RFC1: variants seen among roughly 807,000 people sequenced by gnomAD.
RFC1 encodes A1 140 kDa subunit.
Under a neutral mutation model 137.4 loss-of-function variants are expected in RFC1, and 37 were observed. That is an observed-to-expected ratio of 0.27 (90% CI 0.21 to 0.35). The LOEUF (loss-of-function observed/expected upper bound fraction) is 0.35, where lower values mean the gene tolerates loss of function less well. Ranked by LOEUF, RFC1 falls within the 10% of genes least tolerant of loss-of-function variation. The probability of loss-of-function intolerance (pLI) is 1.00; values close to 1 mark genes in which losing one functional copy is unlikely to be tolerated. For synonymous variants in RFC1, 429 were observed against 455.7 expected (o/e 0.94, Z 0.75); for missense variants, 1,205 against 1,358.5 (o/e 0.89, Z 1.78).
At chr4:39,341,782 CAATT>C (rs1740617080) in intron 4 of RFC1, 1 of 385,334 alleles carries the variant, frequency 2.6e-6, no homozygotes, top group Non-Finnish European at 5.3e-6. Flanking sequence ...ATCCATGAAA[CAATT>C]ACTTACACAA....
chr4:39,313,549 T>C (rs1281065718), intron 10 of RFC1, among the ~76,000 whole-genome samples: 1 of 152,086 alleles, frequency 6.6e-6, no homozygotes, highest in African/African-American at 2.4e-5. Flanking sequence ...TTGAAGGGAG[T>C]TTTGCCCGAA....
At chr4:39,348,428 A>AAAAGGAAAGGAAAG in intron 2 of RFC1, among the ~76,000 whole-genome samples, 1 of 38,050 alleles carries the variant, frequency 2.6e-5, no homozygotes, top group East Asian at 1.2e-3. Context: ...GTTTCAAAAA[A>AAAAGGAAAGGAAAG]GAAAAGAAAA....
intron 4 of RFC1, among the ~76,000 whole-genome samples, chr4:39,336,044 T>C (rs1293344415): frequency 1.3e-5 from 2 of 152,180 alleles, no homozygotes; most frequent in Non-Finnish European, 2.9e-5. Context: ...GGAACCTCAG[T>C]ATCTTAGTGT....
At position 39,316,977 on chromosome 4, in the gene RFC1, C is replaced by T; in HGVS notation, c.1141G>A (p.Ala381Thr). 1 of 1,614,058 alleles carries T rather than the reference C, an allele frequency of 6.2e-7. No homozygotes were observed. ...DSEKKRTNYQ[A>T]YRSYLNREGP... The stretch of plus-strand genomic sequence containing the variant: ...TCTCGATTTAAGTAGCTTCGATAAG[C>T]TTGATAATTAGTGCGTTTCTTTTCA... Residue 381 changes from alanine (A) to threonine (T), a missense_variant, in exon 10 of 25, where the codon GCT becomes ACT. By Grantham distance (58) the Ala-to-Thr change is moderately conservative (BLOSUM62 0). Around this residue, in one of 3 missense-constraint regions of RFC1, gnomAD observed 962 missense variants for 1,035.3 expected, o/e 0.93. Coordinates refer to ENST00000349703, the MANE Select transcript of RFC1 (RefSeq NM_002913.5).
rs767924847 is a variant in RFC1, at chr4:39,312,872, A to T, written c.1263T>A (p.Ile421=). The change falls in exon 11 of 25, where the codon ATT becomes ATA. Residue 421 remains isoleucine, a synonymous_variant. Coordinates refer to ENST00000349703, the MANE Select transcript of RFC1 (RefSeq NM_002913.5). ...TTAGAGACTTGGCCTCATCTCGTTC[A>T]ATAGACTCCAGCACGCCTGTGATTA... ...IFVITGVLES[I]ERDEAKSLIE... The T allele has an allele frequency of 5.6e-6, 9 of 1,614,018 alleles. No individual in the cohort carries two copies. The highest frequency in any genetic ancestry group is 1.6e-4 in the Middle Eastern group (1 of 6,084).
intron 1 of RFC1, among the ~76,000 whole-genome samples, chr4:39,361,933 G>C (rs964514032): frequency 1.3e-5 from 2 of 152,080 alleles, no homozygotes; most frequent in Non-Finnish European, 2.9e-5. Flanking sequence ...CAGCTACTCG[G>C]GAGGCTGAGG....
At chr4:39,294,776 G>A (rs1271355026) in intron 22 of RFC1, among the ~76,000 whole-genome samples, 1 of 152,242 alleles carries the variant, frequency 6.6e-6, no homozygotes, top group Non-Finnish European at 1.5e-5. Context: ...GCCAAGGCAG[G>A]CAGATTACTT....
At chr4:39,326,683 A>C in intron 5 of RFC1, 43 bp from the exon 6 acceptor site, 2 of 1,529,228 alleles carry the variant, frequency 1.3e-6, no homozygotes, top group Non-Finnish European at 9.0e-7. Flanking sequence ...ATAAACCTTA[A>C]GTTAAAAATA....
chr4:39,351,227 G>A, intron 2 of RFC1, 121 bp downstream of exon 2: 6 of 574,082 alleles, frequency 1.0e-5, no homozygotes, highest in Non-Finnish European at 1.4e-5. Context: ...CTACAGCCTG[G>A]GCGACAGAGC....
Position 39,345,429 on chromosome 4 carries a change from G to A in RFC1, c.180C>T (p.Ser60=), listed in dbSNP as rs772209132. The A allele has an allele frequency of 1.2e-6, 2 of 1,613,740 alleles. No homozygotes were observed. The highest frequency in any genetic ancestry group is 2.2e-5 in the East Asian group (1 of 44,876). Residue 60 remains serine (S), a synonymous_variant, in exon 3 of 25, where the codon AGC becomes AGT. Transcript: ENST00000349703. The stretch of plus-strand genomic sequence containing the variant: ...AATCATAGATGATCCTCTTTTTCTT[G>A]CTTGGTTGCTTTTGTTTGAAGTCAT... The part of the protein sequence containing the change: ...KEDDFKQKQP[S]KKKRIIYDSD...
At chr4:39,308,292 G>A (rs757237876) in intron 13 of RFC1, among the ~76,000 whole-genome samples, 44 of 152,084 alleles carry the variant, frequency 2.9e-4, no homozygotes, top group Admixed American at 1.2e-3. Context: ...CCAAGTCTTA[G>A]CTTAGCCATC....
chr4:39,320,399 G>A lies in RFC1; in HGVS notation c.1079C>T (p.Ser360Phe). The change falls in exon 9 of 25, where the codon TCT (serine) becomes TTT (phenylalanine). Residue 360 changes from serine to phenylalanine, a missense_variant. This residue lies in a region of RFC1 where 962 missense variants were observed against 1,035.3 expected (regional missense o/e 0.93). Transcript: ENST00000349703. ...ETKTPKKTKS[S>F]PAKKESVSPE... ...AGTTCTTACCTCTTTTTTAGCTGGA[G>A]AACTTTTGGTTTTCTTAGGAGTTTT... The A allele has an allele frequency of 1.3e-6, 2 of 1,529,274 alleles. No homozygotes were observed. Among genetic ancestry groups the A allele is most frequent in the Non-Finnish European group, 1.7e-6 (2 of 1,144,758 alleles). The allele number at this position is 1,529,274 out of a possible 1,614,324, so 94.7% of individuals were successfully genotyped here. A position where few individuals can be genotyped will look rare whatever the true frequency, so the allele number is the denominator to read the frequency against.
chr4:39,298,602 C>T (rs919249821), intron 21 of RFC1, among the ~76,000 whole-genome samples: 2 of 152,140 alleles, frequency 1.3e-5, no homozygotes, highest in Non-Finnish European at 2.9e-5. Flanking sequence ...CGAATGAATG[C>T]ATCAGAGACA....
chr4:39,327,560 T>C lies in RFC1; in HGVS notation c.528A>G (p.Arg176=). The C allele has an allele frequency of 6.2e-7, 1 of 1,613,264 alleles. No homozygotes were observed. The highest frequency in any genetic ancestry group is 8.5e-7 in the Non-Finnish European group (1 of 1,179,726). ...TGCTTGCCACCATCTTCTTATTAGA[T>C]CTTTGGACACTTCCAGTTCCAAAAT... The part of the protein sequence containing the change: ...LDYFGTGSVQ[R]SNKKMVASKR... Residue 176 remains arginine, a synonymous_variant, in exon 5 of 25, where the codon AGA becomes AGG. Coordinates refer to ENST00000349703, the MANE Select transcript of RFC1 (RefSeq NM_002913.5).
At chr4:39,316,443 G>T (rs1279903121) in intron 10 of RFC1, among the ~76,000 whole-genome samples, 1 of 151,782 alleles carries the variant, frequency 6.6e-6, no homozygotes, top group Non-Finnish European at 1.5e-5. Flanking sequence ...AGACCACCAC[G>T]CCATCACAAC....
rs764834520 is a variant in RFC1 at position 39,291,629 on chromosome 4, C to T, written c.3168+10G>A. On this transcript the variant is annotated intron_variant, in intron 23 of 24. Coordinates refer to ENST00000349703, the MANE Select transcript of RFC1 (RefSeq NM_002913.5). ...AAAGTGACGAAGAACCAGTGAGTGA[C>T]ATGATTTACCTTGGGATCCAGCTTT... The T allele has an allele frequency of 6.3e-6, 10 of 1,592,404 alleles. No individual in the cohort carries two copies. Among genetic ancestry groups the T allele is most frequent in the African/African-American group, 1.3e-5 (1 of 74,482 alleles).
At chr4:39,299,300 C>T (rs562917599) in intron 21 of RFC1, among the ~76,000 whole-genome samples, 54 of 152,228 alleles carry the variant, frequency 3.5e-4, no homozygotes, top group South Asian at 8.3e-4. Context: ...CTGTTCGAGG[C>T]TCTCAGCTCT....
intron 15 of RFC1, among the ~76,000 whole-genome samples, chr4:39,304,504 A>T (rs998469424): frequency 6.6e-6 from 1 of 152,220 alleles, no homozygotes; most frequent in Non-Finnish European, 1.5e-5. Context: ...GTAATAAGTC[A>T]CACTGCATTA....
intron 12 of RFC1, among the ~76,000 whole-genome samples, chr4:39,310,004 G>C (rs1243898150): frequency 6.6e-6 from 1 of 152,044 alleles, no homozygotes; most frequent in East Asian, 1.9e-4. Context: ...AGTTTCAGTG[G>C]GATGCTGAAT....
Sources: allele counts gnomAD v4.1 joint callset (sites outside exome capture counted in the v4.1 genomes callset), GRCh38; gene constraint gnomAD v4.1.1; regional missense constraint gnomAD v4.1.1; transcripts MANE v1.5; gene names NCBI Gene and HGNC (gene_info 2026-07-23, HGNC 2026-07-21).